FUT8: variants seen among roughly 807,000 people sequenced by gnomAD.
The protein encoded by FUT8 is fucosyltransferase 8, also known as alpha-(1,6)-fucosyltransferase.
Under a neutral mutation model 71.3 loss-of-function variants are expected in FUT8, and 29 were observed. The ratio of observed to expected loss-of-function variants is 0.41; its 90% CI spans 0.30 to 0.55. The LOEUF is 0.55. FUT8 is among the 20% of genes least tolerant of loss of function. The pLI is 0.34. For synonymous variants in FUT8, 254 were observed against 239.3 expected (o/e 1.06, Z -0.57); for missense variants, 544 against 702.1 (o/e 0.77, Z 2.55).
At chr14:65,365,434 A>G in the FUT8 span, among the ~76,000 whole-genome samples, 1 of 152,044 alleles carries the variant, frequency 6.6e-6, no homozygotes, top group East Asian at 1.9e-4. Context: ...TCCATCTTGA[A>G]TAGGAGCTGG....
intron 9 of FUT8, among the ~76,000 whole-genome samples, chr14:65,729,350 G>A (rs112945817): frequency 3.3e-5 from 5 of 151,868 alleles, no homozygotes; most frequent in East Asian, 1.9e-4. Flanking sequence ...ATACATATAC[G>A]CTGTACAGAT....
rs1010957064 is a variant in FUT8 at position 65,603,042 on chromosome 14, G to T, written c.204-12936G>T. Among the ~76,000 whole-genome samples the T allele has an allele frequency of 6.6e-6, 1 of 151,796 alleles. No homozygotes were observed. The highest frequency in any genetic ancestry group is 1.5e-5 in the Non-Finnish European group (1 of 67,894). On this transcript the variant is annotated intron_variant, in intron 3 of 10. Coordinates refer to ENST00000673929, the MANE Select transcript of FUT8 (RefSeq NM_001371533.1). The surrounding 1 kb of genome is among the most constrained non-coding windows in gnomAD (Gnocchi z 4.5). ...GTTTGTTTTTGTTACGTTTGCTTTT[G>T]AAGTCTTCGCCTAAGCCAATGTCTA...
chr14:65,716,763 C>T (rs1037416289), intron 7 of FUT8, among the ~76,000 whole-genome samples: 2 of 152,144 alleles, frequency 1.3e-5, no homozygotes, highest in African/African-American at 2.4e-5. Context: ...CTGTTGGGTA[C>T]ACCTCCCAGA....
chr14:65,403,662 A>T, the FUT8 span, among the ~76,000 whole-genome samples: 2 of 152,068 alleles, frequency 1.3e-5, no homozygotes, highest in Non-Finnish European at 2.9e-5. Context: ...TGAAAAGCTG[A>T]ACATTGGAAC....
At chr14:65,404,618 G>T in the FUT8 span, among the ~76,000 whole-genome samples, 2 of 152,122 alleles carry the variant, frequency 1.3e-5, no homozygotes, top group Non-Finnish European at 2.9e-5. Flanking sequence ...GGGATTACAG[G>T]CATGTGCCAC....
At chr14:65,451,458 T>C (rs759074619) in intron 1 of FUT8, among the ~76,000 whole-genome samples, 3 of 152,236 alleles carry the variant, frequency 2.0e-5, no homozygotes, top group Non-Finnish European at 4.4e-5. Context: ...CTCTTTTAGC[T>C]CCGCTGTCCG....
At chr14:65,494,206 T>C (rs975964734) in intron 2 of FUT8, among the ~76,000 whole-genome samples, 1 of 152,076 alleles carries the variant, frequency 6.6e-6, no homozygotes, top group African/African-American at 2.4e-5. Flanking sequence ...GTTTCAGTTA[T>C]TTAACGTAAT....
chr14:65,695,318 C>G (rs1893937372), intron 7 of FUT8, among the ~76,000 whole-genome samples: 2 of 151,920 alleles, frequency 1.3e-5, no homozygotes, highest in African/African-American at 4.8e-5. Flanking sequence ...AAGTTTTTAC[C>G]TTATGTATTT....
rs933174521 is a variant in FUT8, at chr14:65,575,320, C to T, written c.203+13554C>T. 5.3e-5 allele frequency among the ~76,000 whole-genome samples: 8 copies of T among 151,676 alleles called. No homozygotes were observed. In the South Asian group the frequency reaches 8.3e-4, roughly 16 times the overall value. On this transcript the variant is annotated intron_variant, in intron 3 of 10. Coordinates refer to ENST00000673929, the MANE Select transcript of FUT8 (RefSeq NM_001371533.1). ...TATGGCAAGACTTTAAATTATTGTACTCAGGGATTATTTTGAACTTGCCTT... is the reference window on the plus strand; with the variant it reads ...TATGGCAAGACTTTAAATTATTGTATTCAGGGATTATTTTGAACTTGCCTT...
chr14:65,454,777 C>T (rs1437654444), intron 1 of FUT8, among the ~76,000 whole-genome samples: 1 of 152,168 alleles, frequency 6.6e-6, no homozygotes, highest in Non-Finnish European at 1.5e-5. Flanking sequence ...ATACTACACA[C>T]TCAGTGAACA....
intron 2 of FUT8, among the ~76,000 whole-genome samples, chr14:65,470,086 A>C (rs2066115494): frequency 6.6e-6 from 1 of 152,204 alleles, no homozygotes; most frequent in Admixed American, 6.5e-5. Context: ...AGCATGGAGC[A>C]GCTCTCCACC....
chr14:65,521,123 A>G (rs2149838), intron 2 of FUT8, among the ~76,000 whole-genome samples: 1 of 152,128 alleles, frequency 6.6e-6, no homozygotes, highest in African/African-American at 2.4e-5. Flanking sequence ...TGGAGAATAA[A>G]TCATGTTGTT....
chr14:65,370,399 G>A, the FUT8 span, among the ~76,000 whole-genome samples: 15 of 151,348 alleles, frequency 9.9e-5, no homozygotes, highest in African/African-American at 3.1e-4. Flanking sequence ...TAGTAGAGAC[G>A]GGGTTTCACC....
chr14:65,504,659 C>T (rs1254946553), intron 2 of FUT8, among the ~76,000 whole-genome samples: 3 of 152,220 alleles, frequency 2.0e-5, no homozygotes, highest in African/African-American at 7.2e-5. Context: ...GTTGTGTTCT[C>T]CTGCCTCAGC....
At chr14:65,614,071 A>G (rs1033036189) in intron 3 of FUT8, among the ~76,000 whole-genome samples, 2 of 150,874 alleles carry the variant, frequency 1.3e-5, no homozygotes, top group African/African-American at 2.4e-5. Context: ...CCAAGATCCC[A>G]TCACTGTACT....
At chr14:65,410,973 A>G (rs1293478261), upstream of FUT8, 2 of 152,212 alleles carry the variant, frequency 1.3e-5, no homozygotes, top group African/African-American at 2.4e-5. Flanking sequence ...ACTAAGAAGT[A>G]AATATCCACC....
chr14:65,590,459 A>G (rs1170648349), intron 3 of FUT8, among the ~76,000 whole-genome samples: 2 of 152,190 alleles, frequency 1.3e-5, no homozygotes, highest in Non-Finnish European at 2.9e-5. Context: ...AAGAATAGGT[A>G]CCATTGGAAA....
intron 1 of FUT8, among the ~76,000 whole-genome samples, chr14:65,452,646 T>C (rs1306624331): frequency 3.3e-5 from 5 of 152,176 alleles, no homozygotes; most frequent in African/African-American, 1.2e-4. Flanking sequence ...AATAATTCAA[T>C]TGACTACTGA....
chr14:65,543,039 C>T (rs1339496608), intron 2 of FUT8, among the ~76,000 whole-genome samples: 2 of 152,184 alleles, frequency 1.3e-5, no homozygotes, highest in Non-Finnish European at 2.9e-5. Context: ...GCCTCGACCT[C>T]CCAAAGTGCT....
Sources: allele counts gnomAD v4.1 joint callset (sites outside exome capture counted in the v4.1 genomes callset), GRCh38; gene constraint gnomAD v4.1.1; non-coding constraint Gnocchi (gnomAD v3.1); transcripts MANE v1.5; gene names NCBI Gene and HGNC (gene_info 2026-07-23, HGNC 2026-07-21).